USH2A: variants seen among roughly 807,000 people sequenced by gnomAD.
The protein encoded by USH2A is usherin, also known as Usher syndrome 2A (autosomal recessive, mild).
A neutral mutation model predicts 538.9 loss-of-function variants in USH2A; 443 were observed. That is an observed-to-expected ratio of 0.82 (90% CI 0.76 to 0.89). The LOEUF is 0.89. Ranked by LOEUF, USH2A falls within the 40% of genes least tolerant of loss-of-function variation. The pLI, the probability that USH2A is intolerant of heterozygous loss-of-function variation, is 0.00. For missense variants in USH2A, 6,633 were observed against 6,324.8 expected (o/e 1.05, Z -1.65); for synonymous variants, 2,413 against 2,273.5 (o/e 1.06, Z -1.75).
chr1:216,250,803 G>A (rs2036143280), intron 12 of USH2A, 100 bp downstream of exon 12: 2 of 1,308,618 alleles, frequency 1.5e-6, no homozygotes, highest in Non-Finnish European at 2.2e-6. Flanking sequence ...CCTGTCTTGA[G>A]CAAAGAAATT....
chr1:215,775,701 T>TA (rs1477667994), intron 55 of USH2A, among the ~76,000 whole-genome samples: 2 of 152,240 alleles, frequency 1.3e-5, no homozygotes, highest in African/African-American at 4.8e-5. Flanking sequence ...TATTGGTGGT[T>TA]AAAGTATGTT....
chr1:215,734,176 C>T (rs1014488786), intron 60 of USH2A, among the ~76,000 whole-genome samples: 2 of 152,220 alleles, frequency 1.3e-5, no homozygotes, highest in Admixed American at 6.5e-5. Flanking sequence ...CATCTGCCAA[C>T]TTAACACTAC....
chr1:216,187,592 T>C (rs1360087531), intron 20 of USH2A, among the ~76,000 whole-genome samples: 2 of 151,916 alleles, frequency 1.3e-5, no homozygotes, highest in African/African-American at 4.8e-5. Context: ...CTCTCCATTT[T>C]ATATTTTATA....
intron 61 of USH2A, among the ~76,000 whole-genome samples, chr1:215,699,537 C>A (rs1658936244): frequency 6.6e-6 from 1 of 152,172 alleles, no homozygotes. Context: ...TCCTTCACAA[C>A]CCTTGTAAGT....
chr1:215,837,529 T>C (rs935683374), intron 47 of USH2A, among the ~76,000 whole-genome samples: 4 of 152,184 alleles, frequency 2.6e-5, no homozygotes, highest in Admixed American at 2.0e-4. Context: ...AATAAAGTGA[T>C]TCTACCAAGA....
rs368058316 is a variant in USH2A at position 216,083,575 on chromosome 1, G to A, written c.5179C>T (p.Leu1727Phe). 2.5e-5 allele frequency: 40 copies of A among 1,611,914 alleles called. No homozygotes were observed. In the African/African-American group the frequency reaches 3.6e-4, roughly 15 times the overall value. Residue 1727 changes from leucine to phenylalanine, a missense_variant, in exon 26 of 72, where the codon CTT becomes TTT. Physicochemically the swap from Leu to Phe is conservative, Grantham distance 22. Coordinates refer to ENST00000307340, the MANE Select transcript of USH2A (RefSeq NM_206933.4). ...CCACCATGAAACATATATGGATGAA[G>A]TTCCAGGAACCCTTTAAAGATAAAA... ...AQFLGAGFLE[L>F]HPYMFHGGMN...
intron 37 of USH2A, among the ~76,000 whole-genome samples, chr1:215,936,197 A>C (rs929971848): frequency 2.0e-5 from 3 of 152,108 alleles, no homozygotes; most frequent in African/African-American, 7.2e-5. Context: ...GAGAAGAACA[A>C]GCATACTGGC....
chr1:215,671,069 G>T lies in USH2A; in HGVS notation c.14036C>A (p.Thr4679Asn), dbSNP rs781442764. 1 of 1,614,162 alleles carries T rather than the reference G, an allele frequency of 6.2e-7. No homozygotes were observed. The highest frequency in any genetic ancestry group is 8.5e-7 in the Non-Finnish European group (1 of 1,180,008). The change falls in exon 64 of 72, where the codon ACT becomes AAT. Residue 4679 changes from threonine to asparagine, a missense_variant. Transcript: ENST00000307340. ...YYELYRRQIA[T>N]QPRKSNPVLI... ...GACTGGATTGGATTTTCTAGGCTGA[G>T]TTGCTATTTGTCTTCTGTATAATTC...
intron 32 of USH2A, among the ~76,000 whole-genome samples, chr1:216,022,195 T>C (rs1668859536): frequency 6.6e-6 from 1 of 152,112 alleles, no homozygotes; most frequent in South Asian, 2.1e-4. Context: ...CTTTATAAAT[T>C]ACCCAGTCTT....
At chr1:215,834,482 A>G (rs924511283) in intron 47 of USH2A, among the ~76,000 whole-genome samples, 3 of 152,218 alleles carry the variant, frequency 2.0e-5, no homozygotes, top group African/African-American at 2.4e-5. Flanking sequence ...ACAATATGGA[A>G]AAGGCAGAAT....
intron 58 of USH2A, among the ~76,000 whole-genome samples, chr1:215,744,609 C>T (rs1320915347): frequency 6.6e-6 from 1 of 152,080 alleles, no homozygotes; most frequent in African/African-American, 2.4e-5. Flanking sequence ...GACTCAATGA[C>T]CTAAGAGAGA....
At chr1:216,357,741 A>AAAT (rs1338391801) in intron 4 of USH2A, among the ~76,000 whole-genome samples, 1 of 152,180 alleles carries the variant, frequency 6.6e-6, no homozygotes, top group Non-Finnish European at 1.5e-5. Flanking sequence ...ACAAGTTCAG[A>AAAT]AATAACTGGG....
In USH2A at chr1:216,238,391, A is replaced by C. The variant is rs183085301; in HGVS notation, c.2810-6255T>G. On this transcript the variant is annotated intron_variant, in intron 13 of 71. Transcript: ENST00000307340. ...CCTCTGATTAAGTGCCTACTGCTGA[A>C]CATTATAAGGTCATCCAGCACTGAA... Among the ~76,000 whole-genome samples, 16 of 152,274 alleles carry C rather than the reference A, an allele frequency of 1.1e-4. 1 individual carries two copies. The East Asian group carries it at 3.1e-3, about 29-fold the overall frequency.
At chr1:216,340,943 G>A (rs1349861859) in intron 4 of USH2A, among the ~76,000 whole-genome samples, 1 of 152,088 alleles carries the variant, frequency 6.6e-6, no homozygotes, top group Non-Finnish European at 1.5e-5. Flanking sequence ...ACAAGACAAG[G>A]ATCCCTTCTT....
chr1:215,679,613 A>G (rs997127901), intron 62 of USH2A, among the ~76,000 whole-genome samples: 7 of 152,242 alleles, frequency 4.6e-5, no homozygotes, highest in Non-Finnish European at 5.9e-5. Context: ...GCAGAGCTTG[A>G]GATACGTATA....
intron 27 of USH2A, among the ~76,000 whole-genome samples, chr1:216,074,966 C>T (rs144864594): frequency 4.8e-4 from 73 of 152,160 alleles, no homozygotes; most frequent in African/African-American, 1.7e-3. Context: ...GTACCTAATG[C>T]CACTAAACTG....
intron 37 of USH2A, among the ~76,000 whole-genome samples, chr1:215,957,614 A>C (rs1667101370): frequency 6.6e-6 from 1 of 152,160 alleles, no homozygotes; most frequent in Non-Finnish European, 1.5e-5. Flanking sequence ...ATGTGGGCAT[A>C]AAAAGAAATA....
intron 64 of USH2A, among the ~76,000 whole-genome samples, chr1:215,666,798 T>C (rs1657617609): frequency 6.6e-6 from 1 of 152,088 alleles, no homozygotes; most frequent in Non-Finnish European, 1.5e-5. Context: ...TTGTTAAAAG[T>C]ACAGGTTGCT....
intron 21 of USH2A, among the ~76,000 whole-genome samples, chr1:216,117,719 C>T (rs751418248): frequency 1.3e-5 from 2 of 151,572 alleles, no homozygotes; most frequent in Non-Finnish European, 2.9e-5. Flanking sequence ...ATATGAACCA[C>T]TTTAGAGAAA....
Sources: gnomAD v4.1 joint callset for allele counts (sites outside exome capture counted in the v4.1 genomes callset) on GRCh38, gnomAD v4.1.1 for gene constraint, MANE v1.5 for transcripts, NCBI Gene and HGNC (gene_info 2026-07-23, HGNC 2026-07-21) for gene names.